IAH1: variants seen among roughly 807,000 people sequenced by gnomAD.
IAH1 encodes isoamyl acetate hydrolyzing esterase 1 (putative), also known as isoamyl acetate-hydrolyzing esterase 1 homolog.
A neutral mutation model predicts 26.7 loss-of-function variants in IAH1; 24 were observed. That is an observed-to-expected ratio of 0.90 (90% CI 0.65 to 1.26). The LOEUF (loss-of-function observed/expected upper bound fraction) is 1.26, where lower values mean the gene tolerates loss of function less well. IAH1 is among the 50% of genes most tolerant of loss of function. IAH1 has a pLI of 0.00. For synonymous variants in IAH1, 140 were observed against 118.5 expected, an observed-to-expected ratio of 1.18 and a Z score of -1.18; for missense variants, 300 against 299.9, an observed-to-expected ratio of 1.00 and a Z score of 0.00.
chr2:9,490,311 G>A, downstream of IAH1: 1 of 1,614,094 alleles, frequency 6.2e-7, no homozygotes, highest in South Asian at 1.1e-5. Context: ...TTTGGGAAGG[G>A]GTCCTTCTCA....
At chr2:9,507,433 T>C in the IAH1 span, among the ~76,000 whole-genome samples, 10 of 151,708 alleles carry the variant, frequency 6.6e-5, no homozygotes, top group Admixed American at 5.3e-4. Context: ...ACCTGGGAGG[T>C]GGAGGTTGCA....
chr2:9,481,418 C>T lies in IAH1; in HGVS notation c.416C>T (p.Thr139Ile). Residue 139 changes from threonine to isoleucine, a missense_variant, in exon 4 of 6, where the codon ACA becomes ATA. By Grantham distance (89) the Thr-to-Ile change is moderately conservative (BLOSUM62 -1). Coordinates refer to ENST00000497473, the MANE Select transcript of IAH1 (RefSeq NM_001039613.3). ...ATCACGCCGACCCCACTTTGTGAAACAGCCTGGGAAGAACAGTGCATCATA... is the reference window on the plus strand; with the variant it reads ...ATCACGCCGACCCCACTTTGTGAAATAGCCTGGGAAGAACAGTGCATCATA... ...ILITPTPLCE[T>I]AWEEQCIIQG... is the part of the protein sequence containing the mutation. 1 of 1,614,146 alleles carries T rather than the reference C, an allele frequency of 6.2e-7. No individual in the cohort carries two copies. The highest frequency in any genetic ancestry group is 1.3e-5 in the African/African-American group (1 of 75,030).
Position 9,478,383 on chromosome 2 carries a change from T to C in IAH1, c.283+13T>C. 1 of 1,579,406 alleles carries C rather than the reference T, an allele frequency of 6.3e-7. No homozygotes were observed. The highest frequency in any genetic ancestry group is 1.2e-5 in the South Asian group (1 of 85,692). On this transcript the variant is annotated intron_variant, in intron 3 of 5. Transcript: ENST00000497473. Reference sequence around the variant, plus strand: ...AGTGCACTAAAAGGTAAAAGCATTTTTGATGTTCTTCTAGCTCACTTTTAA... The same window carrying C: ...AGTGCACTAAAAGGTAAAAGCATTTCTGATGTTCTTCTAGCTCACTTTTAA...
intron 3 of IAH1, among the ~76,000 whole-genome samples, chr2:9,478,822 C>G (rs1220251288): frequency 6.6e-6 from 1 of 152,178 alleles, no homozygotes; most frequent in Non-Finnish European, 1.5e-5. Flanking sequence ...AGGAGATGGT[C>G]TCTCCTTGAC....
the IAH1 span, chr2:9,502,252 T>G: frequency 6.2e-7 from 1 of 1,613,952 alleles, no homozygotes. Context: ...ACTGACAGTT[T>G]TTACAGCAAG....
the IAH1 span, among the ~76,000 whole-genome samples, chr2:9,511,849 T>C: frequency 6.6e-6 from 1 of 151,854 alleles, no homozygotes; most frequent in Non-Finnish European, 1.5e-5. Context: ...TGGGCGCCTG[T>C]AATCGCAGCT....
downstream of IAH1, chr2:9,497,017 C>G (rs1454460163): frequency 6.5e-7 from 1 of 1,540,418 alleles, no homozygotes; most frequent in African/African-American, 1.4e-5. Context: ...GATCTCACCA[C>G]TGCTGTCATT....
chr2:9,498,731 A>G (rs1157704367), downstream of IAH1, among the ~76,000 whole-genome samples: 3 of 152,238 alleles, frequency 2.0e-5, no homozygotes, highest in African/African-American at 4.8e-5. Flanking sequence ...TACTGAAAGT[A>G]TGATGTCCAG....
intron 4 of IAH1, among the ~76,000 whole-genome samples, chr2:9,481,980 G>A (rs1421749222): frequency 6.6e-6 from 1 of 151,044 alleles, no homozygotes. Context: ...AACCTGTGTT[G>A]TTCAAGGGTC....
At chr2:9,476,301 G>T (rs1660785847) in intron 2 of IAH1, among the ~76,000 whole-genome samples, 1 of 152,232 alleles carries the variant, frequency 6.6e-6, no homozygotes, top group Admixed American at 6.5e-5. Flanking sequence ...CCTAGTCAGG[G>T]GCAGACAGAT....
At chr2:9,497,190 A>G, downstream of IAH1, 2 of 1,614,228 alleles carry the variant, frequency 1.2e-6, no homozygotes, top group Non-Finnish European at 1.7e-6. Context: ...ACTTGCCAAG[A>G]TCCAAGCAAA....
chr2:9,510,143 T>C, the IAH1 span: 5 of 1,613,942 alleles, frequency 3.1e-6, no homozygotes, highest in South Asian at 1.1e-5. Flanking sequence ...TTAAGGATCA[T>C]GCAAAGAAAA....
At chr2:9,487,306 C>G (rs1330786792) in intron 5 of IAH1, 3 of 152,136 alleles carry the variant, frequency 2.0e-5, no homozygotes, top group African/African-American at 4.8e-5. Flanking sequence ...GGAGACTGGA[C>G]TCCTGTGTCC....
chr2:9,503,413 A>G, the IAH1 span, among the ~76,000 whole-genome samples: 1 of 152,368 alleles, frequency 6.6e-6, no homozygotes, highest in Middle Eastern at 3.4e-3. Context: ...ATTCCAGTAT[A>G]TAGAATCATG....
downstream of IAH1, among the ~76,000 whole-genome samples, chr2:9,498,114 C>G (rs1038598639): frequency 1.3e-5 from 2 of 152,232 alleles, no homozygotes; most frequent in African/African-American, 2.4e-5. Flanking sequence ...ACTGCAGCCT[C>G]AAACTCCTAG....
At chr2:9,480,422 C>G (rs1444637664) in intron 3 of IAH1, among the ~76,000 whole-genome samples, 1 of 152,082 alleles carries the variant, frequency 6.6e-6, no homozygotes, top group Non-Finnish European at 1.5e-5. Context: ...GTCGCTTGGC[C>G]CCAGGAGTTC....
At chr2:9,507,105 G>C in the IAH1 span, 1 of 152,190 alleles carries the variant, frequency 6.6e-6, no homozygotes, top group Non-Finnish European at 1.5e-5. Flanking sequence ...AGTAGAGGGT[G>C]ATGGGTTCTG....
chr2:9,483,860 C>T (rs1023910203), intron 4 of IAH1, among the ~76,000 whole-genome samples: 10 of 152,214 alleles, frequency 6.6e-5, no homozygotes, highest in African/African-American at 2.4e-4. Context: ...TAGGCACTGT[C>T]ATCATAAGAA....
chr2:9,492,677 T>C (rs1331152106), downstream of IAH1, among the ~76,000 whole-genome samples: 2 of 152,242 alleles, frequency 1.3e-5, no homozygotes, highest in Non-Finnish European at 2.9e-5. Flanking sequence ...AAGAAATTTA[T>C]ATATTAAAAC....
Sources: allele counts gnomAD v4.1 joint callset (sites outside exome capture counted in the v4.1 genomes callset), GRCh38; gene constraint gnomAD v4.1.1; transcripts MANE v1.5; gene names NCBI Gene and HGNC (gene_info 2026-07-23, HGNC 2026-07-21).